The following SSBP2 variants were observed in gnomAD, a reference collection of about 807,000 sequenced individuals.
SSBP2 encodes the protein single-stranded DNA-binding protein 2.
SSBP2 carries 17 observed loss-of-function variants against 61.8 expected under a neutral mutation model. The ratio of observed to expected loss-of-function variants is 0.28; its 90% CI spans 0.19 to 0.41. The LOEUF (loss-of-function observed/expected upper bound fraction) is 0.41, where lower values mean the gene tolerates loss of function less well. SSBP2 is among the 10% of genes least tolerant of loss of function. The probability of loss-of-function intolerance (pLI) is 1.00; values close to 1 mark genes in which losing one functional copy is unlikely to be tolerated. For missense variants in SSBP2, 310 were observed against 458.7 expected (o/e 0.68, Z 2.96); for synonymous variants, 139 against 141.3 (o/e 0.98, Z 0.12).
intron 1 of SSBP2, among the ~76,000 whole-genome samples, chr5:81,731,837 T>C (rs906542290): frequency 1.2e-4 from 18 of 150,808 alleles, no homozygotes; most frequent in African/African-American, 4.1e-4. Context: ...ATAAATTATA[T>C]TACAATAATA....
At chr5:81,728,213 G>T (rs1452186512) in intron 1 of SSBP2, among the ~76,000 whole-genome samples, 1 of 152,182 alleles carries the variant, frequency 6.6e-6, no homozygotes, top group Admixed American at 6.5e-5. Context: ...AAGCATTTCA[G>T]GAACAGATGA....
At chr5:81,673,830 C>G (rs2153795914) in intron 1 of SSBP2, among the ~76,000 whole-genome samples, 1 of 152,188 alleles carries the variant, frequency 6.6e-6, no homozygotes, top group African/African-American at 2.4e-5. Context: ...TACTACATAC[C>G]AAAGACCTTG....
At chr5:81,453,995 T>C (rs1763958337) in intron 10 of SSBP2, among the ~76,000 whole-genome samples, 1 of 152,186 alleles carries the variant, frequency 6.6e-6, no homozygotes, top group South Asian at 2.1e-4. Flanking sequence ...ACCTTCAAAA[T>C]AGGACTTTCA....
At chr5:81,582,750 T>C (rs1382318893) in intron 4 of SSBP2, among the ~76,000 whole-genome samples, 1 of 152,070 alleles carries the variant, frequency 6.6e-6, no homozygotes, top group Non-Finnish European at 1.5e-5. Context: ...TGCACCACCA[T>C]GCTCAGCTAA....
At chr5:81,466,140 T>C (rs548787357) in intron 9 of SSBP2, among the ~76,000 whole-genome samples, 10 of 152,148 alleles carry the variant, frequency 6.6e-5, no homozygotes, top group African/African-American at 1.9e-4. Context: ...CAAACCTATA[T>C]GGAACACTTT....
At chr5:81,583,534 G>A (rs1249238294) in intron 4 of SSBP2, among the ~76,000 whole-genome samples, 1 of 151,210 alleles carries the variant, frequency 6.6e-6, no homozygotes, top group East Asian at 2.0e-4. Flanking sequence ...AGAGGCTGAG[G>A]CAGGAGAATG....
chr5:81,553,909 A>C (rs10474032), intron 4 of SSBP2, among the ~76,000 whole-genome samples: 14,826 of 151,804 alleles, frequency 0.098, 838 homozygotes, highest in African/African-American at 0.13. Flanking sequence ...CTTTTTTATT[A>C]ATACTTTCTT....
chr5:81,666,961 A>G (rs1751186534), intron 1 of SSBP2, among the ~76,000 whole-genome samples: 2 of 152,198 alleles, frequency 1.3e-5, no homozygotes, highest in Non-Finnish European at 2.9e-5. Flanking sequence ...TTAACACCAG[A>G]ACCAGACTTC....
rs1462921383 is a variant in SSBP2 at position 81,750,998 on chromosome 5, G to A, written c.45C>T (p.Asp15=). The A allele has an allele frequency of 1.3e-6, 2 of 1,598,972 alleles. No individual in the cohort carries two copies. The highest frequency in any genetic ancestry group is 2.3e-5 in the East Asian group (1 of 43,968). ...ACACTTACTTCTCCCGGGCCTGGCT[G>A]TCGGACGGGACGGCGCTGCTGTTAC... The change falls in exon 1 of 17, where the codon GAC becomes GAT. Residue 15 remains aspartate (D), a synonymous_variant. Coordinates refer to ENST00000320672, the MANE Select transcript of SSBP2 (RefSeq NM_012446.5).
At chr5:81,737,167 G>A (rs1390818447) in intron 1 of SSBP2, among the ~76,000 whole-genome samples, 1 of 151,316 alleles carries the variant, frequency 6.6e-6, no homozygotes, top group Non-Finnish European at 1.5e-5. Flanking sequence ...TACCATTATT[G>A]TCATCCTTTA....
At chr5:81,429,980 A>G (rs530274934) in intron 15 of SSBP2, among the ~76,000 whole-genome samples, 3 of 151,928 alleles carry the variant, frequency 2.0e-5, no homozygotes, top group African/African-American at 7.2e-5. Context: ...AGAGGATTCT[A>G]TTTTTTTTGA....
intron 10 of SSBP2, among the ~76,000 whole-genome samples, chr5:81,454,356 A>G (rs1368445279): frequency 6.6e-6 from 1 of 152,202 alleles, no homozygotes; most frequent in Non-Finnish European, 1.5e-5. Flanking sequence ...AATGAGTAGG[A>G]TATGCAAAGA....
intron 1 of SSBP2, 71 bp from the exon 2 acceptor site, chr5:81,650,410 T>C: frequency 9.2e-7 from 1 of 1,083,016 alleles, no homozygotes; most frequent in Non-Finnish European, 1.3e-6. Context: ...TGCACATCTT[T>C]CCATTGCTGA....
chr5:81,623,141 T>C (rs190707907), intron 3 of SSBP2, among the ~76,000 whole-genome samples: 11 of 152,236 alleles, frequency 7.2e-5, no homozygotes, highest in African/African-American at 1.9e-4. Context: ...ACTTCAAAGA[T>C]CTTAAAACCG....
chr5:81,750,968 C>T lies in SSBP2; in HGVS notation c.62+13G>A, dbSNP rs1033443373. On this transcript the variant is annotated intron_variant, in intron 1 of 16. Transcript: ENST00000320672. ...TGTGAAGGCGGAGGTGGGTGAGAAGCGGAGACACTTACTTCTCCCGGGCCT... is the reference window on the plus strand; with the variant it reads ...TGTGAAGGCGGAGGTGGGTGAGAAGTGGAGACACTTACTTCTCCCGGGCCT... 3 of 1,586,646 alleles carry T rather than the reference C, an allele frequency of 1.9e-6. No homozygotes were observed. The highest frequency in any genetic ancestry group is 2.7e-5 in the African/African-American group (2 of 74,314).
At chr5:81,542,614 CA>C (rs1167612491) in intron 4 of SSBP2, among the ~76,000 whole-genome samples, 1 of 139,516 alleles carries the variant, frequency 7.2e-6, no homozygotes, top group Non-Finnish European at 1.6e-5. Flanking sequence ...TATGCATCCA[CA>C]AAAAAGAACA....
chr5:81,499,434 AG>A (rs1767534278), intron 5 of SSBP2, among the ~76,000 whole-genome samples: 1 of 152,308 alleles, frequency 6.6e-6, no homozygotes, highest in African/African-American at 2.4e-5. Flanking sequence ...CATTGGATAA[AG>A]GTGTGTAGCA....
At chr5:81,590,940 C>G (rs1211088206) in intron 4 of SSBP2, among the ~76,000 whole-genome samples, 1 of 152,158 alleles carries the variant, frequency 6.6e-6, no homozygotes, top group Non-Finnish European at 1.5e-5. Flanking sequence ...GAATGTGACA[C>G]CCCTGAGACG....
At chr5:81,726,396 G>A (rs1031543492) in intron 1 of SSBP2, among the ~76,000 whole-genome samples, 3 of 152,076 alleles carry the variant, frequency 2.0e-5, no homozygotes, top group South Asian at 2.1e-4. Context: ...CATTTCAGAG[G>A]AGAAACAACA....
Sources: gnomAD v4.1 joint callset for allele counts (sites outside exome capture counted in the v4.1 genomes callset) on GRCh38, gnomAD v4.1.1 for gene constraint, MANE v1.5 for transcripts, NCBI Gene and HGNC (gene_info 2026-07-23, HGNC 2026-07-21) for gene names.